Variants in NTM observed in about 807,000 individuals in gnomAD.
NTM encodes the protein neurotrimin.
In NTM, 13 loss-of-function variants were observed where a neutral mutation model predicts 42.1. That is an observed-to-expected ratio of 0.31 (90% CI 0.20 to 0.49). The LOEUF is 0.49. NTM is among the 20% of genes least tolerant of loss of function. The pLI is 0.99. For synonymous variants in NTM, 187 were observed against 179.2 expected, an observed-to-expected ratio of 1.04 and a Z score of -0.35; for missense variants, 373 against 452.8, an observed-to-expected ratio of 0.82 and a Z score of 1.60.
intron 1 of NTM, among the ~76,000 whole-genome samples, chr11:131,779,962 G>A (rs1030678996): frequency 3.3e-5 from 5 of 152,158 alleles, no homozygotes; most frequent in Non-Finnish European, 7.4e-5. Context: ...AGTGTTGGAT[G>A]TACAGAATCT....
chr11:131,819,522 C>T (rs538563368), intron 1 of NTM, among the ~76,000 whole-genome samples: 4 of 152,202 alleles, frequency 2.6e-5, no homozygotes, highest in African/African-American at 9.6e-5. Flanking sequence ...GAGAGACATA[C>T]ATAAAAAATC....
chr11:131,684,056 G>T (rs1306093992), intron 1 of NTM, among the ~76,000 whole-genome samples: 1 of 152,212 alleles, frequency 6.6e-6, no homozygotes, highest in Non-Finnish European at 1.5e-5. Context: ...GGCTGGCCGT[G>T]TGAGGAGAAT....
At chr11:131,541,318 A>G (rs2053216176) in intron 1 of NTM, among the ~76,000 whole-genome samples, 1 of 152,156 alleles carries the variant, frequency 6.6e-6, no homozygotes, top group Admixed American at 6.5e-5. Flanking sequence ...AACATCACCA[A>G]AGACTATTTG....
intron 4 of NTM, among the ~76,000 whole-genome samples, chr11:132,248,189 A>T (rs936371655): frequency 6.6e-5 from 10 of 152,162 alleles, no homozygotes; most frequent in African/African-American, 2.4e-4. Flanking sequence ...AGGGAGGGAG[A>T]GACAGGGGAA....
chr11:132,291,956 C>T (rs1325872772), intron 4 of NTM, among the ~76,000 whole-genome samples: 1 of 152,112 alleles, frequency 6.6e-6, no homozygotes, highest in Non-Finnish European at 1.5e-5. Context: ...CACATTTGGA[C>T]AACTGTTCTG....
At chr11:132,132,598 A>G (rs140177169) in intron 2 of NTM, among the ~76,000 whole-genome samples, 153 of 152,246 alleles carry the variant, frequency 1.0e-3, no homozygotes, top group South Asian at 6.0e-3. Context: ...AAGGTTTGTA[A>G]ACATTAACAC....
intron 1 of NTM, chr11:131,769,679 C>G: frequency 1.7e-6 from 1 of 577,738 alleles, no homozygotes; most frequent in Non-Finnish European, 2.2e-6. Context: ...CCGGGAGATT[C>G]AGAGCATTGG....
At chr11:131,929,524 C>A (rs998001917) in intron 2 of NTM, among the ~76,000 whole-genome samples, 2 of 151,682 alleles carry the variant, frequency 1.3e-5, no homozygotes, top group Admixed American at 1.3e-4. Context: ...TTGTATACGG[C>A]AAAGGCTGTA....
At chr11:131,834,646 G>T in intron 1 of NTM, among the ~76,000 whole-genome samples, 1 of 73,932 alleles carries the variant, frequency 1.4e-5, no homozygotes, top group Non-Finnish European at 3.3e-5. Context: ...ATATATATAT[G>T]TATAATCTTC....
intron 1 of NTM, among the ~76,000 whole-genome samples, chr11:131,785,925 A>G (rs1225838740): frequency 6.6e-6 from 1 of 152,154 alleles, no homozygotes; most frequent in African/African-American, 2.4e-5. Context: ...TCTAACAGGT[A>G]CCTGTAGTGC....
At chr11:131,974,931 A>G (rs531953179) in intron 2 of NTM, among the ~76,000 whole-genome samples, 6 of 152,260 alleles carry the variant, frequency 3.9e-5, no homozygotes, top group African/African-American at 1.4e-4. Flanking sequence ...AATGTCCTAA[A>G]TTATGCCTAT....
At chr11:131,643,388 G>A (rs1224405077) in intron 1 of NTM, among the ~76,000 whole-genome samples, 1 of 152,222 alleles carries the variant, frequency 6.6e-6, no homozygotes, top group Non-Finnish European at 1.5e-5. Flanking sequence ...CCGGGTGTGC[G>A]CGGAGCGGCC....
Position 131,958,710 on chromosome 11 carries a change from T to C in NTM, c.167+47062T>C, listed in dbSNP as rs1036868152. Among the ~76,000 whole-genome samples, 3 of 152,200 alleles carry C rather than the reference T, an allele frequency of 2.0e-5. No individual in the cohort carries two copies. The East Asian group carries it at 5.8e-4, about 29-fold the overall frequency. ...TTTGGCCTCCCACAAACCAAGCAAC[T>C]TGATGAGCCTCAGCACACTAGTGAG... On this transcript the variant is annotated intron_variant, in intron 2 of 8. Transcript: ENST00000683400.
At chr11:131,606,056 G>A (rs1203308140) in intron 1 of NTM, 1 of 200,324 alleles carries the variant, frequency 5.0e-6, no homozygotes, top group Non-Finnish European at 8.9e-6. Flanking sequence ...TTGTTTGTTT[G>A]TTTTTGAGAT....
intron 1 of NTM, among the ~76,000 whole-genome samples, chr11:131,630,576 T>G (rs1384114495): frequency 6.6e-6 from 1 of 152,136 alleles, no homozygotes. Flanking sequence ...CTTTGCATAG[T>G]CTGTACAGCC....
At chr11:132,157,797 C>A (rs1056646375) in intron 3 of NTM, among the ~76,000 whole-genome samples, 9 of 152,212 alleles carry the variant, frequency 5.9e-5, no homozygotes, top group Non-Finnish European at 1.0e-4. Context: ...CTCCTGGAGT[C>A]TTGCCATCTG....
chr11:131,417,227 C>CA (rs1255321377), intron 1 of NTM, among the ~76,000 whole-genome samples: 16 of 152,134 alleles, frequency 1.1e-4, no homozygotes, highest in Admixed American at 1.0e-3. Context: ...TCATTAAACA[C>CA]AAAAAATAAT....
intron 2 of NTM, among the ~76,000 whole-genome samples, chr11:132,012,119 C>T (rs2072337027): frequency 6.6e-6 from 1 of 152,042 alleles, no homozygotes; most frequent in South Asian, 2.1e-4. Context: ...TGGACTAGAA[C>T]AGCGTAGTCA....
chr11:132,173,966 AGAGTGTGTCCTAAAT>A (rs2076439746), intron 3 of NTM, among the ~76,000 whole-genome samples: 1 of 152,238 alleles, frequency 6.6e-6, no homozygotes, highest in African/African-American at 2.4e-5. Flanking sequence ...CTTTAGCCAA[AGAGTGTGTCCTAAAT>A]GAGTGTGTCC....
Sources: allele counts gnomAD v4.1 joint callset (sites outside exome capture counted in the v4.1 genomes callset), GRCh38; gene constraint gnomAD v4.1.1; transcripts MANE v1.5; gene names NCBI Gene and HGNC (gene_info 2026-07-23, HGNC 2026-07-21).